Variants in ELOF1 observed in about 807,000 individuals in gnomAD.
ELOF1 encodes transcription elongation factor 1 homolog.
Under a neutral mutation model 7.1 loss-of-function variants are expected in ELOF1, and 4 were observed. The ratio of observed to expected loss-of-function variants is 0.56; its 90% CI spans 0.28 to 1.29. ELOF1 has a LOEUF of 1.29. Among genes scored for constraint, ELOF1 ranks in the 50% most tolerant of loss-of-function variants. The pLI is 0.10. For synonymous variants in ELOF1, 31 were observed against 31.9 expected (o/e 0.97, Z 0.09); for missense variants, 59 against 86.3 (o/e 0.68, Z 1.25).
chr19:11,556,035 G>A (rs974594170), intron 1 of ELOF1, among the ~76,000 whole-genome samples: 1 of 152,108 alleles, frequency 6.6e-6, no homozygotes, highest in Admixed American at 6.6e-5. Context: ...GGGATATCTA[G>A]GAACAGATGT....
chr19:11,558,840 G>A (rs1290064209), intron 1 of ELOF1: 1 of 152,052 alleles, frequency 6.6e-6, no homozygotes. Flanking sequence ...CACAAGGAAT[G>A]CAGAGGCCTC....
At chr19:11,553,875 C>G (rs1972781464) in intron 3 of ELOF1, 65 bp from the exon 4 acceptor site, 1 of 1,612,770 alleles carries the variant, frequency 6.2e-7, no homozygotes, top group Non-Finnish European at 8.5e-7. Flanking sequence ...TCTCACCCCA[C>G]AGAAATCACT....
chr19:11,553,550 TCACTCA>T (rs1972765354), intron 3 of ELOF1: 8 of 599,574 alleles, frequency 1.3e-5, no homozygotes, highest in East Asian at 3.0e-5. Context: ...ACACCCACAC[TCACTCA>T]CACCCACACC....
At chr19:11,553,560 C>T (rs1599617490) in intron 3 of ELOF1, 1 of 671,362 alleles carries the variant, frequency 1.5e-6, no homozygotes, top group South Asian at 1.8e-5. Flanking sequence ...TCACTCACAC[C>T]CACACCCACA....
chr19:11,558,655 A>T (rs897436023), intron 1 of ELOF1, among the ~76,000 whole-genome samples: 2 of 150,612 alleles, frequency 1.3e-5, no homozygotes, highest in African/African-American at 4.9e-5. Context: ...TGCGCCCAGG[A>T]GGTCGAGGCT....
Position 11,553,604 on chromosome 19 carries a change from CACACACA to C in ELOF1, c.187+400_187+406del. 6.1e-6 allele frequency: 4 copies of C among 650,584 alleles called. No homozygotes were observed. In the East Asian group the frequency reaches 1.2e-4, roughly 19 times the overall value. The allele number at this position is 650,584 out of a possible 1,614,324, so 40.3% of individuals were successfully genotyped here. A position where few individuals can be genotyped will look rare whatever the true frequency, so the allele number is the denominator to read the frequency against. ...CACTACACACACACACACACACACA[CACACACA>C]CACACACACACACACACACACGGCT... On this transcript the variant is annotated intron_variant, in intron 3 of 3. Transcript: ENST00000586683.
At chr19:11,554,077 G>C (rs11539252) in exon 3 of ELOF1, 2 of 1,614,196 alleles carry the variant, frequency 1.2e-6, no homozygotes, top group East Asian at 2.2e-5. Context: ...TTGCGGGCAC[G>C]GTCCCTGAAA....
chr19:11,554,313 G>A (rs1599618859), exon 2 of ELOF1: 1 of 1,613,960 alleles, frequency 6.2e-7, no homozygotes, highest in Non-Finnish European at 8.5e-7. Flanking sequence ...CTTCTTCTTG[G>A]GAGGCGGCTT....
intron 1 of ELOF1, among the ~76,000 whole-genome samples, chr19:11,556,255 A>C (rs980959278): frequency 2.0e-5 from 3 of 151,922 alleles, no homozygotes; most frequent in African/African-American, 7.3e-5. Context: ...TAAACAGTGG[A>C]GTTTCATTCA....
intron 1 of ELOF1, among the ~76,000 whole-genome samples, chr19:11,557,679 G>A (rs1972853543): frequency 6.6e-6 from 1 of 150,504 alleles, no homozygotes; most frequent in Non-Finnish European, 1.5e-5. Flanking sequence ...CAGATCACGA[G>A]GTCAGGAGTT....
At chr19:11,557,613 G>T (rs1325396996) in intron 1 of ELOF1, among the ~76,000 whole-genome samples, 1 of 115,422 alleles carries the variant, frequency 8.7e-6, no homozygotes, top group Non-Finnish European at 1.6e-5. Flanking sequence ...AAAAAAAAAA[G>T]GCTGAGTGCA....
intron 1 of ELOF1, among the ~76,000 whole-genome samples, chr19:11,556,052 G>A (rs1478547673): frequency 2.0e-5 from 3 of 152,090 alleles, no homozygotes; most frequent in African/African-American, 7.2e-5. Context: ...ATGTCCAGGA[G>A]GCAGGTGGGT....
chr19:11,553,617 ACACACACAC>A, intron 3 of ELOF1: 1 of 823,428 alleles, frequency 1.2e-6, no homozygotes, highest in Non-Finnish European at 1.8e-6. Flanking sequence ...ACACACACAC[ACACACACAC>A]ACACACGGCT....
intron 1 of ELOF1, among the ~76,000 whole-genome samples, chr19:11,557,244 G>A (rs1250282540): frequency 2.0e-5 from 3 of 152,116 alleles, no homozygotes; most frequent in African/African-American, 4.8e-5. Context: ...CCTCACTGGT[G>A]GCTCCTGCTA....
rs538232286 is a variant in ELOF1, at chr19:11,558,623, C to G, written c.-19+568G>C. Among the ~76,000 whole-genome samples the G allele has an allele frequency of 1.3e-4, 20 of 151,288 alleles. No homozygotes were observed. In the East Asian group the frequency reaches 3.9e-3, roughly 30 times the overall value. On this transcript the variant is annotated intron_variant, in intron 1 of 3. Transcript: ENST00000586683. ...CCTTGAGTCTGTAGTCCCAGCTACTCGGCAAGCTGAAGTGGGAAGCTTGCG... is the reference window on the plus strand; with the variant it reads ...CCTTGAGTCTGTAGTCCCAGCTACTGGGCAAGCTGAAGTGGGAAGCTTGCG...
chr19:11,553,958 G>A (rs775279247), intron 3 of ELOF1, 53 bp downstream of exon 3: 26 of 1,612,882 alleles, frequency 1.6e-5, no homozygotes, highest in Middle Eastern at 1.6e-4. Flanking sequence ...AGCAGGGTCC[G>A]GACTCCAGCC....
At chr19:11,554,492 G>A in intron 1 of ELOF1, 127 bp from the exon 2 acceptor site, 1 of 1,359,224 alleles carries the variant, frequency 7.4e-7, no homozygotes, top group Non-Finnish European at 9.8e-7. Flanking sequence ...TGCCCTTGAG[G>A]GACGAGGCCC....
intron 1 of ELOF1, chr19:11,558,830 C>A (rs1972872371): frequency 6.6e-6 from 1 of 152,048 alleles, no homozygotes; most frequent in Non-Finnish European, 1.5e-5. Flanking sequence ...GTCTGGCTTG[C>A]ACAAGGAATG....
chr19:11,554,626 A>C (rs748706253), intron 1 of ELOF1: 52 of 507,174 alleles, frequency 1.0e-4, no homozygotes, highest in Non-Finnish European at 1.4e-4. Flanking sequence ...TCTTTGTGCC[A>C]CAGTTTCCTC....
Sources: allele counts gnomAD v4.1 joint callset (sites outside exome capture counted in the v4.1 genomes callset), GRCh38; gene constraint gnomAD v4.1.1; transcripts MANE v1.5; gene names NCBI Gene and HGNC (gene_info 2026-07-23, HGNC 2026-07-21).